Variants in PCDHGB5 observed in about 807,000 individuals in gnomAD.
PCDHGB5 encodes protocadherin gamma subfamily B, 5, also known as protocadherin gamma-B5.
A neutral mutation model predicts 62.9 loss-of-function variants in PCDHGB5; 48 were observed. The observed-to-expected ratio is 0.76, with a 90% CI of 0.61 to 0.97. PCDHGB5 has a LOEUF of 0.97. PCDHGB5 is among the 50% of genes least tolerant of loss of function. The pLI is 0.00. For missense variants in PCDHGB5, 1,118 were observed against 1,198.6 expected (o/e 0.93, Z 0.99); for synonymous variants, 474 against 511.2 (o/e 0.93, Z 0.98).
intron 1 of PCDHGB5, among the ~76,000 whole-genome samples, chr5:141,449,290 G>A (rs1255760925): frequency 1.3e-5 from 2 of 151,934 alleles, no homozygotes; most frequent in Admixed American, 6.6e-5. Context: ...CGGATGCACC[G>A]GGTGAATTAT....
Position 141,431,996 on chromosome 5 carries a change from G to A in PCDHGB5, c.2397+31472G>A, listed in dbSNP as rs766891220. ...AGTCACAGACATAGTCTTGGATAGGGAACAGGTTCCTAGCTACAACATCAC... is the reference window on the plus strand; with the variant it reads ...AGTCACAGACATAGTCTTGGATAGGAAACAGGTTCCTAGCTACAACATCAC... On this transcript the variant is annotated intron_variant, in intron 1 of 3. Transcript: ENST00000617380. The surrounding 1 kb of genome is among the most constrained non-coding windows in gnomAD (Gnocchi z 4.8). 1.9e-6 allele frequency: 3 copies of A among 1,614,192 alleles called. No homozygotes were observed. In the East Asian group the frequency reaches 6.7e-5, roughly 36 times the overall value.
intron 1 of PCDHGB5, chr5:141,423,975 A>T: frequency 8.9e-7 from 1 of 1,126,024 alleles, no homozygotes; most frequent in Non-Finnish European, 1.1e-6. Flanking sequence ...TTATCAGTGT[A>T]TGAGGCTCTC....
intron 1 of PCDHGB5, chr5:141,429,167 T>TAC (rs1357037045): frequency 6.6e-5 from 9 of 136,102 alleles, no homozygotes; most frequent in African/African-American, 8.8e-5. Context: ...AGACATTGTT[T>TAC]ATACACACAC....
In PCDHGB5 at chr5:141,491,727, G is replaced by C; in HGVS notation, c.2398-3080G>C. On this transcript the variant is annotated intron_variant, in intron 1 of 3. Transcript: ENST00000617380. This position sits in a 1 kb window ranked among gnomAD's most constrained non-coding sequence, Gnocchi z 6.9. ...TGAGGGGCTCGGCGCCGCCCCGGGC[G>C]ACCCCTGGGGGCGGCACTGGAGAAG... 6.2e-7 allele frequency: 1 copy of C among 1,604,916 alleles called. No individual in the cohort carries two copies. The highest frequency in any genetic ancestry group is 8.5e-7 in the Non-Finnish European group (1 of 1,176,284).
In PCDHGB5 at chr5:141,415,072, G is replaced by A. The variant is rs558067255; in HGVS notation, c.2397+14548G>A. On this transcript the variant is annotated intron_variant, in intron 1 of 3. Coordinates refer to ENST00000617380, the MANE Select transcript of PCDHGB5 (RefSeq NM_018925.3). ...GGAGCACACGGGCGAGGTGCGCACG[G>A]CGCGAGCCCTGCTGGACAGAGACGC... 6.2e-5 allele frequency: 100 copies of A among 1,613,418 alleles called. No individual in the cohort carries two copies. The East Asian group carries it at 2.0e-3, about 32-fold the overall frequency.
At chr5:141,467,008 AT>A (rs1165146249) in intron 1 of PCDHGB5, among the ~76,000 whole-genome samples, 2 of 150,270 alleles carry the variant, frequency 1.3e-5, no homozygotes, top group Non-Finnish European at 3.0e-5. Context: ...TTGCAATGCA[AT>A]TTTTTTCCCT....
chr5:141,467,672 AT>A (rs1199631144), intron 1 of PCDHGB5, among the ~76,000 whole-genome samples: 1 of 151,634 alleles, frequency 6.6e-6, no homozygotes, highest in Non-Finnish European at 1.5e-5. Context: ...GAAGATTTTT[AT>A]TTTTTTTAGA....
At chr5:141,478,808 T>C in intron 1 of PCDHGB5, 1 of 1,459,124 alleles carries the variant, frequency 6.9e-7, no homozygotes, top group African/African-American at 1.4e-5. Flanking sequence ...TCTTTTGCTA[T>C]CACAACTAAC....
In PCDHGB5 at chr5:141,398,208, G is replaced by C. The variant is rs898628305; in HGVS notation, c.81G>C (p.Pro27=). 1.3e-6 allele frequency: 2 copies of C among 1,486,802 alleles called. No individual in the cohort carries two copies. Among genetic ancestry groups the C allele is most frequent in the Non-Finnish European group, 9.0e-7 (1 of 1,105,176 alleles). 92.1% of individuals were successfully genotyped at this position (1,486,802 alleles called of 1,614,324 possible). Residue 27 remains proline (P), a synonymous_variant, in exon 1 of 4, where the codon CCG becomes CCC. Transcript: ENST00000617380. ...TCTTCCTGCTGTCTTTGTTCTGCCCGGCGCTCTGTGAGCAGATCCGCTACA... is the reference window on the plus strand; with the variant it reads ...TCTTCCTGCTGTCTTTGTTCTGCCCCGCGCTCTGTGAGCAGATCCGCTACA... The part of the protein sequence containing the change: ...LFLFLLSLFC[P]ALCEQIRYRI...
chr5:141,470,021 C>T (rs111919483), intron 1 of PCDHGB5, among the ~76,000 whole-genome samples: 8 of 152,156 alleles, frequency 5.3e-5, no homozygotes, highest in African/African-American at 1.9e-4. Flanking sequence ...CCCAGCTACT[C>T]GGGATGCTGA....
chr5:141,438,627 TATATATATACACACAC>T (rs1396288881), intron 1 of PCDHGB5, among the ~76,000 whole-genome samples: 69 of 48,002 alleles, frequency 1.4e-3, no homozygotes, highest in Admixed American at 2.8e-3. Flanking sequence ...TATATATATA[TATATATATACACACAC>T]ACACACACAT....
At chr5:141,510,818 A>C in intron 3 of PCDHGB5, 129 bp from the exon 4 acceptor site, 1 of 1,551,540 alleles carries the variant, frequency 6.4e-7, no homozygotes, top group Non-Finnish European at 8.7e-7. Context: ...TGACCCCTAT[A>C]TTCCCAGTGC....
rs2099627530 is a variant in PCDHGB5, at chr5:141,486,292, T to C, written c.2398-8515T>C. On this transcript the variant is annotated intron_variant, in intron 1 of 3. Transcript: ENST00000617380. This position sits in a 1 kb window ranked among gnomAD's most constrained non-coding sequence, Gnocchi z 5.0. ...CTGGCACTGTGGTGGCACTTATCAGTGTGCAGGATCCAGACTCAGGGTCAA... is the reference window on the plus strand; with the variant it reads ...CTGGCACTGTGGTGGCACTTATCAGCGTGCAGGATCCAGACTCAGGGTCAA... 5 of 1,613,970 alleles carry C rather than the reference T, an allele frequency of 3.1e-6. No individual in the cohort carries two copies. The highest frequency in any genetic ancestry group is 4.2e-6 in the Non-Finnish European group (5 of 1,179,982).
chr5:141,415,081 C>A, intron 1 of PCDHGB5: 2 of 1,613,522 alleles, frequency 1.2e-6, no homozygotes, highest in Non-Finnish European at 1.7e-6. Flanking sequence ...GGCGCGAGCC[C>A]TGCTGGACAG....
Position 141,409,092 on chromosome 5 carries a change from A to C in PCDHGB5, c.2397+8568A>C, listed in dbSNP as rs150634031. On this transcript the variant is annotated intron_variant, in intron 1 of 3. Coordinates refer to ENST00000617380, the MANE Select transcript of PCDHGB5 (RefSeq NM_018925.3). ...AAACATATGTTCTCATTGGATGAGA[A>C]AACAGGTATGATTAAGAATAACCAG... 12 of 1,614,050 alleles carry C rather than the reference A, an allele frequency of 7.4e-6. No homozygotes were observed. The East Asian group carries it at 2.7e-4, about 36-fold the overall frequency.
chr5:141,430,804 G>T, intron 1 of PCDHGB5: 2 of 1,525,868 alleles, frequency 1.3e-6, no homozygotes, highest in Non-Finnish European at 1.8e-6. Context: ...GGCTTGTCCT[G>T]CTGGGAATCC....
chr5:141,410,402 A>G, intron 1 of PCDHGB5: 1 of 1,614,008 alleles, frequency 6.2e-7, no homozygotes, highest in South Asian at 1.1e-5. Flanking sequence ...TCTCTGTGTC[A>G]AGTCTGGACC....
rs774858191 is a variant in PCDHGB5 at position 141,413,689 on chromosome 5, C to T, written c.2397+13165C>T. On this transcript the variant is annotated intron_variant, in intron 1 of 3. Transcript: ENST00000617380. Reference sequence around the variant, plus strand: ...TCCGGATGTGGGCGTGAACTCCCTGCAGAGCTATCAGCTCAGCCCCAATAA... The same window carrying T: ...TCCGGATGTGGGCGTGAACTCCCTGTAGAGCTATCAGCTCAGCCCCAATAA... 6 of 1,613,800 alleles carry T rather than the reference C, an allele frequency of 3.7e-6. No individual in the cohort carries two copies. The Admixed American group carries it at 5.0e-5, about 13-fold the overall frequency.
In PCDHGB5 at chr5:141,476,883, A is replaced by G. The variant is rs1266909654; in HGVS notation, c.2398-17924A>G. ...TTGTACCGGGCGCGCGTCCTGGAGG[A>G]TGCACCCTCCGGCACGCGCGTGGTA... On this transcript the variant is annotated intron_variant, in intron 1 of 3. Coordinates refer to ENST00000617380, the MANE Select transcript of PCDHGB5 (RefSeq NM_018925.3). This position sits in a 1 kb window ranked among gnomAD's most constrained non-coding sequence, Gnocchi z 7.6. 1 of 1,613,916 alleles carries G rather than the reference A, an allele frequency of 6.2e-7. No individual in the cohort carries two copies. The highest frequency in any genetic ancestry group is 8.5e-7 in the Non-Finnish European group (1 of 1,180,026).
Sources: allele counts gnomAD v4.1 joint callset (sites outside exome capture counted in the v4.1 genomes callset), GRCh38; gene constraint gnomAD v4.1.1; non-coding constraint Gnocchi (gnomAD v3.1); transcripts MANE v1.5; gene names NCBI Gene and HGNC (gene_info 2026-07-23, HGNC 2026-07-21).